Variants in DIS3L2 observed in about 807,000 individuals in gnomAD.
The protein encoded by DIS3L2 is DIS3-like exonuclease 2.
Under a neutral mutation model 97.5 loss-of-function variants are expected in DIS3L2, and 34 were observed. That is an observed-to-expected ratio of 0.35 (90% CI 0.27 to 0.46). DIS3L2 has a LOEUF of 0.46. Among genes scored for constraint, DIS3L2 ranks in the 20% least tolerant of loss-of-function variants. DIS3L2 has a pLI of 1.00. For missense variants in DIS3L2, 1,038 were observed against 1,146.0 expected, an observed-to-expected ratio of 0.91 and a Z score of 1.36; for synonymous variants, 435 against 445.2, an observed-to-expected ratio of 0.98 and a Z score of 0.29.
At chr2:232,106,263 T>C (rs1697355127) in intron 6 of DIS3L2, among the ~76,000 whole-genome samples, 1 of 152,192 alleles carries the variant, frequency 6.6e-6, no homozygotes, top group Non-Finnish European at 1.5e-5. Context: ...CTTGTTGACA[T>C]GTGATACTCT....
chr2:232,108,729 G>T (rs983875402), intron 6 of DIS3L2, among the ~76,000 whole-genome samples: 3 of 152,186 alleles, frequency 2.0e-5, no homozygotes, highest in African/African-American at 7.2e-5. Context: ...CAAAATCAGT[G>T]TGCAAAAATC....
At chr2:232,087,309 A>T (rs1696690346) in intron 5 of DIS3L2, among the ~76,000 whole-genome samples, 178 bp from the exon 6 acceptor site, 1 of 152,124 alleles carries the variant, frequency 6.6e-6, no homozygotes. Flanking sequence ...TGCTGGATTG[A>T]TTATGTGCAT....
intron 13 of DIS3L2, among the ~76,000 whole-genome samples, chr2:232,297,734 G>A (rs1417134664): frequency 1.5e-5 from 2 of 132,276 alleles, no homozygotes; most frequent in Non-Finnish European, 3.1e-5. Flanking sequence ...ACAGACTCTC[G>A]CTATGTCGCC....
downstream of DIS3L2, among the ~76,000 whole-genome samples, chr2:232,339,388 C>T (rs1696058735): frequency 6.6e-6 from 1 of 152,146 alleles, no homozygotes; most frequent in Non-Finnish European, 1.5e-5. Context: ...AAGTGGGAGG[C>T]CAGGCAGGAG....
rs769509315 is a variant in DIS3L2, at chr2:232,336,093, A to G, written c.2496+219A>G. On this transcript the variant is annotated intron_variant, in intron 20 of 20. Transcript: ENST00000325385. ...CCTTGGGGGCAACCACAGTGGAGAG[A>G]GGAGGGGCTCTGCCTGTCCCGCTAA... 16 of 1,543,564 alleles carry G rather than the reference A, an allele frequency of 1.0e-5. No homozygotes were observed. In the East Asian group the frequency reaches 2.7e-4, roughly 26 times the overall value.
intron 14 of DIS3L2, 28 bp from the exon 15 acceptor site, chr2:232,329,785 T>TGCCGGGGGGCCCCC: frequency 4.1e-6 from 4 of 967,144 alleles, no homozygotes; most frequent in Admixed American, 3.4e-5. Context: ...ACCCCAGCGG[T>TGCCGGGGGGCCCCC]CCCTCCCATC....
chr2:232,206,458 A>T (rs986079324), intron 9 of DIS3L2, among the ~76,000 whole-genome samples: 1 of 152,230 alleles, frequency 6.6e-6, no homozygotes, highest in Non-Finnish European at 1.5e-5. Context: ...GGCTGTGTAC[A>T]ATAAAGCTTT....
At chr2:231,972,027 A>G (rs1219919065) in intron 1 of DIS3L2, among the ~76,000 whole-genome samples, 1 of 151,486 alleles carries the variant, frequency 6.6e-6, no homozygotes, top group African/African-American at 2.4e-5. Context: ...TCTACTAGGA[A>G]TACAAAAATT....
At chr2:232,339,870 G>A (rs181354254), downstream of DIS3L2, 15 of 370,886 alleles carry the variant, frequency 4.0e-5, 1 homozygote, top group South Asian at 2.1e-4. Context: ...AGGAGGTCCC[G>A]GGAGGACCTG....
chr2:232,253,589 A>G (rs958890533), intron 12 of DIS3L2, among the ~76,000 whole-genome samples: 2 of 152,160 alleles, frequency 1.3e-5, no homozygotes, highest in African/African-American at 4.8e-5. Flanking sequence ...TTATGTAATC[A>G]TAATAGTAGA....
chr2:232,168,652 C>T (rs927352758), intron 9 of DIS3L2, among the ~76,000 whole-genome samples: 8 of 152,150 alleles, frequency 5.3e-5, no homozygotes, highest in African/African-American at 1.7e-4. Flanking sequence ...TGTTGCAGAA[C>T]GCCAACTTTT....
chr2:232,132,779 G>A (rs530097433), intron 7 of DIS3L2, among the ~76,000 whole-genome samples: 1 of 152,112 alleles, frequency 6.6e-6, no homozygotes, highest in Non-Finnish European at 1.5e-5. Flanking sequence ...GAGACATCAG[G>A]TATCTGAGTG....
At chr2:232,109,499 A>G (rs924101349) in intron 6 of DIS3L2, among the ~76,000 whole-genome samples, 1 of 152,348 alleles carries the variant, frequency 6.6e-6, no homozygotes, top group Non-Finnish European at 1.5e-5. Flanking sequence ...ACAGTGATTC[A>G]GTAACCAAAA....
rs780991652 is a variant in DIS3L2 at position 232,087,678 on chromosome 2, G to C, written c.558G>C (p.Leu186=). ...GACATGGCATCACACAAAATGTGCT[G>C]GTTGATGGTGTTAAGAAACTCTCAG... The part of the protein sequence containing the change: ...EDGHGITQNV[L]VDGVKKLSVC... The change falls in exon 6 of 21, where the codon CTG becomes CTC. Residue 186 remains leucine (L), a synonymous_variant. Transcript: ENST00000325385. 2 of 1,614,118 alleles carry C rather than the reference G, an allele frequency of 1.2e-6. No homozygotes were observed.
At chr2:232,197,677 C>A (rs1691790754) in intron 9 of DIS3L2, among the ~76,000 whole-genome samples, 1 of 152,092 alleles carries the variant, frequency 6.6e-6, no homozygotes, top group Middle Eastern at 3.2e-3. Context: ...AAGATAAAGT[C>A]TGGAATTCTG....
At position 232,269,275 on chromosome 2, in the gene DIS3L2, C is replaced by T. The variant is rs1693923446; in HGVS notation, c.1659+5835C>T. The stretch of plus-strand genomic sequence containing the variant: ...TCCTTCTCTCCAATACAGTCGCTTT[C>T]AAGAAATGAGCATTCCAGCTCTGCT... On this transcript the variant is annotated intron_variant, in intron 13 of 20. Coordinates refer to ENST00000325385, the MANE Select transcript of DIS3L2 (RefSeq NM_152383.5). This position sits in a 1 kb window ranked among gnomAD's most constrained non-coding sequence, Gnocchi z 4.5. Among the ~76,000 whole-genome samples the T allele has an allele frequency of 6.6e-6, 1 of 152,164 alleles. No individual in the cohort carries two copies. Among genetic ancestry groups the T allele is most frequent in the African/African-American group, 2.4e-5 (1 of 41,438 alleles).
rs1235975177 is a variant in DIS3L2, at chr2:232,337,036, G to T, written c.*406G>T. ...CAGCAGAATGCCCCTTGCACCCAGG[G>T]CAAGGGACCCAGTTCAGGCTTCACC... On this transcript the variant is annotated 3_prime_UTR_variant, in exon 21 of 21. Transcript: ENST00000325385. 2 of 1,067,182 alleles carry T rather than the reference G, an allele frequency of 1.9e-6. No individual in the cohort carries two copies. The highest frequency in any genetic ancestry group is 1.7e-5 in the African/African-American group (1 of 57,906). 66.1% of individuals were successfully genotyped at this position (1,067,182 alleles called of 1,614,324 possible).
At chr2:232,172,740 G>C in intron 9 of DIS3L2, 1 of 534,354 alleles carries the variant, frequency 1.9e-6, no homozygotes, top group Non-Finnish European at 3.8e-6. Context: ...TGCACTCCCT[G>C]TGGCAATGTA....
chr2:232,034,791 T>G (rs1559559191), intron 5 of DIS3L2, among the ~76,000 whole-genome samples: 1 of 152,238 alleles, frequency 6.6e-6, no homozygotes, highest in Non-Finnish European at 1.5e-5. Context: ...GTGAGTTTAT[T>G]AATCCTGAAT....
Sources: allele counts gnomAD v4.1 joint callset (sites outside exome capture counted in the v4.1 genomes callset), GRCh38; gene constraint gnomAD v4.1.1; non-coding constraint Gnocchi (gnomAD v3.1); transcripts MANE v1.5; gene names NCBI Gene and HGNC (gene_info 2026-07-23, HGNC 2026-07-21).